RMST: variants seen among roughly 807,000 people sequenced by gnomAD.
RMST encodes rhabdomyosarcoma 2 associated transcript.
chr12:97,488,977 C>T (rs547030678), intron 5 of RMST, among the ~76,000 whole-genome samples: 2 of 152,200 alleles, frequency 1.3e-5, no homozygotes, highest in African/African-American at 4.8e-5. Flanking sequence ...AAAAAATGGA[C>T]AAGCTGAAGA....
intron 10 of RMST, among the ~76,000 whole-genome samples, chr12:97,510,522 G>A (rs1879163755): frequency 6.6e-6 from 1 of 152,090 alleles, no homozygotes; most frequent in Non-Finnish European, 1.5e-5. Flanking sequence ...TTAAAAAATT[G>A]GTACAGTGTG....
At chr12:97,475,573 G>A (rs74971091) in intron 5 of RMST, among the ~76,000 whole-genome samples, 1 of 141,216 alleles carries the variant, frequency 7.1e-6, no homozygotes, top group Non-Finnish European at 1.5e-5. Flanking sequence ...ACCCACCTTA[G>A]TATCTTTTTT....
At chr12:97,546,397 C>A (rs1310784411) in intron 11 of RMST, among the ~76,000 whole-genome samples, 1 of 152,008 alleles carries the variant, frequency 6.6e-6, no homozygotes, top group Non-Finnish European at 1.5e-5. Context: ...GCCTGGCCAA[C>A]ATGGTGAAAC....
At chr12:97,507,899 T>C (rs982939089) in intron 10 of RMST, among the ~76,000 whole-genome samples, 1 of 151,992 alleles carries the variant, frequency 6.6e-6, no homozygotes, top group East Asian at 1.9e-4. Flanking sequence ...AAGTATAGAA[T>C]GGAAGAGTCT....
At chr12:97,499,991 C>A (rs1277859329) in intron 10 of RMST, among the ~76,000 whole-genome samples, 1 of 152,114 alleles carries the variant, frequency 6.6e-6, no homozygotes, top group Non-Finnish European at 1.5e-5. Context: ...CAACTAGCCC[C>A]TCATGCATGT....
At chr12:97,543,120 A>C (rs1882675709) in intron 11 of RMST, among the ~76,000 whole-genome samples, 1 of 152,034 alleles carries the variant, frequency 6.6e-6, no homozygotes, top group Admixed American at 6.6e-5. Flanking sequence ...CATTTTAAAA[A>C]ACCAGTGTAC....
At chr12:97,511,749 A>G (rs899088276) in intron 10 of RMST, among the ~76,000 whole-genome samples, 1 of 152,218 alleles carries the variant, frequency 6.6e-6, no homozygotes, top group Non-Finnish European at 1.5e-5. Context: ...TGATCTACAG[A>G]GAGATGTTTA....
chr12:97,538,614 A>G (rs1882269629), intron 11 of RMST, among the ~76,000 whole-genome samples: 1 of 151,418 alleles, frequency 6.6e-6, no homozygotes, highest in Non-Finnish European at 1.5e-5. Context: ...ACTCAACCTT[A>G]AGAGTTTAAG....
intron 11 of RMST, among the ~76,000 whole-genome samples, chr12:97,547,222 A>T (rs1450990): frequency 0.79 from 118,199 of 148,906 alleles, 47,443 homozygotes; most frequent in Middle Eastern, 0.94. Context: ...AATATAATAA[A>T]AATATGTATA....
intron 10 of RMST, among the ~76,000 whole-genome samples, chr12:97,522,529 C>A (rs754308170): frequency 4.6e-5 from 7 of 152,252 alleles, no homozygotes; most frequent in African/African-American, 1.7e-4. Flanking sequence ...TCTTGACCAT[C>A]TCCTATACCT....
At chr12:97,512,889 G>T (rs1384796572) in intron 10 of RMST, among the ~76,000 whole-genome samples, 1 of 152,222 alleles carries the variant, frequency 6.6e-6, no homozygotes, top group East Asian at 1.9e-4. Flanking sequence ...AGGCGAGGGG[G>T]AGGCTCAGGC....
intron 11 of RMST, among the ~76,000 whole-genome samples, chr12:97,543,878 T>C (rs1270729419): frequency 1.3e-5 from 2 of 152,072 alleles, no homozygotes; most frequent in African/African-American, 4.8e-5. Flanking sequence ...ATCATTTTGG[T>C]AAGCAAAGAA....
intron 10 of RMST, among the ~76,000 whole-genome samples, chr12:97,502,868 G>A (rs1192075272): frequency 6.6e-6 from 1 of 152,208 alleles, no homozygotes; most frequent in Non-Finnish European, 1.5e-5. Flanking sequence ...AGTTCTAAAT[G>A]TAGTAATAGT....
At chr12:97,554,766 A>T (rs1369923292) in intron 11 of RMST, among the ~76,000 whole-genome samples, 1 of 152,162 alleles carries the variant, frequency 6.6e-6, no homozygotes, top group Non-Finnish European at 1.5e-5. Context: ...TTGGCTGCTT[A>T]TATTGCTGGT....
intron 10 of RMST, among the ~76,000 whole-genome samples, chr12:97,520,144 A>G (rs1177413541): frequency 6.6e-6 from 1 of 152,230 alleles, no homozygotes; most frequent in African/African-American, 2.4e-5. Context: ...AAAGATATCC[A>G]TCAGACATAT....
At chr12:97,467,779 T>A (rs11109046) in intron 5 of RMST, among the ~76,000 whole-genome samples, 31,910 of 151,870 alleles carry the variant, frequency 0.21, 3,411 homozygotes, top group African/African-American at 0.24. Flanking sequence ...TTGAATTTGA[T>A]GCTATTTATC....
At chr12:97,483,421 T>C (rs927647856) in intron 5 of RMST, 4 of 152,216 alleles carry the variant, frequency 2.6e-5, no homozygotes, top group African/African-American at 9.6e-5. Flanking sequence ...TAGTATTTTC[T>C]ATTCTTCAGA....
At chr12:97,550,121 A>G (rs1883208056) in intron 11 of RMST, among the ~76,000 whole-genome samples, 1 of 152,184 alleles carries the variant, frequency 6.6e-6, no homozygotes, top group South Asian at 2.1e-4. Flanking sequence ...TTGTATTGAC[A>G]GCCGTTAAAA....
chr12:97,486,868 C>A (rs936966277), intron 5 of RMST, among the ~76,000 whole-genome samples: 12 of 152,068 alleles, frequency 7.9e-5, no homozygotes, highest in Admixed American at 6.6e-5. Flanking sequence ...CACAATCAAG[C>A]AAAATGACAA....
Sources: allele counts gnomAD v4.1 joint callset (sites outside exome capture counted in the v4.1 genomes callset), GRCh38; gene constraint gnomAD v4.1.1; transcripts MANE v1.5; gene names NCBI Gene and HGNC (gene_info 2026-07-23, HGNC 2026-07-21).